Variants in CD63 observed in about 807,000 individuals in gnomAD.
The protein encoded by CD63 is CD63 antigen.
CD63 carries 16 observed loss-of-function variants against 29.2 expected under a neutral mutation model. That is an observed-to-expected ratio of 0.55 (90% CI 0.37 to 0.83). CD63 has a LOEUF of 0.83. Among genes scored for constraint, CD63 ranks in the 40% least tolerant of loss-of-function variants. CD63 has a pLI of 0.00. For synonymous variants in CD63, 118 were observed against 111.7 expected, an observed-to-expected ratio of 1.06 and a Z score of -0.36; for missense variants, 251 against 297.3, an observed-to-expected ratio of 0.84 and a Z score of 1.15.
At position 55,728,482 on chromosome 12, in the gene CD63, C is replaced by T. The variant is rs921194369; in HGVS notation, c.-11-130G>A. On this transcript the variant is annotated intron_variant, in intron 1 of 7. Coordinates refer to ENST00000257857, the MANE Select transcript of CD63 (RefSeq NM_001780.6). The surrounding 1 kb of genome is among the most constrained non-coding windows in gnomAD (Gnocchi z 4.8). Reference sequence around the variant, plus strand: ...CCGGCCCCTCCCACCCGGAAACCCGCGGTCGGATCCACGTCTCCCAGCCCC... The same window carrying T: ...CCGGCCCCTCCCACCCGGAAACCCGTGGTCGGATCCACGTCTCCCAGCCCC... The T allele has an allele frequency of 2.7e-6, 4 of 1,487,480 alleles. No individual in the cohort carries two copies. In the East Asian group the frequency reaches 9.9e-5, roughly 37 times the overall value. 92.1% of individuals were successfully genotyped at this position (1,487,480 alleles called of 1,614,324 possible).
chr12:55,725,452 A>T lies in CD63; in HGVS notation c.*109T>A. 1.1e-6 allele frequency: 1 copy of T among 916,834 alleles called. No homozygotes were observed. The highest frequency in any genetic ancestry group is 1.8e-6 in the Non-Finnish European group (1 of 555,200). 56.8% of individuals were successfully genotyped at this position (916,834 alleles called of 1,614,324 possible). A position where few individuals can be genotyped will look rare whatever the true frequency, so the allele number is the denominator to read the frequency against. On this transcript the variant is annotated 3_prime_UTR_variant, in exon 8 of 8. Transcript: ENST00000257857. ...GGAAGGAATCAAGCATCACTCTAAGACAAACTCAGACCATCTCTTTTCGGT... is the reference window on the plus strand; with the variant it reads ...GGAAGGAATCAAGCATCACTCTAAGTCAAACTCAGACCATCTCTTTTCGGT...
intron 6 of CD63, 42 bp downstream of exon 6, chr12:55,726,079 T>G: frequency 6.2e-7 from 1 of 1,607,706 alleles, no homozygotes; most frequent in Non-Finnish European, 8.5e-7. Context: ...TTCTAAAACA[T>G]TTCCCAGGTT....
Position 55,728,950 on chromosome 12 carries a change from C to T in CD63, c.-12+3G>A. On this transcript the variant is annotated splice_donor_region_variant and intron_variant, in intron 1 of 7. Transcript: ENST00000257857. The surrounding 1 kb of genome is among the most constrained non-coding windows in gnomAD (Gnocchi z 4.8). The stretch of plus-strand genomic sequence containing the variant: ...GAAGTCCGCCGGGTCCCCGCGGCCT[C>T]ACCTGGGCTTCCCAAGGCTGGCTGC... 1 of 985,582 alleles carries T rather than the reference C, an allele frequency of 1.0e-6. No individual in the cohort carries two copies. The allele number at this position is 985,582 out of a possible 1,614,324, so 61.1% of individuals were successfully genotyped here. A position where few individuals can be genotyped will look rare whatever the true frequency, so the allele number is the denominator to read the frequency against.
chr12:55,727,564 T>A, intron 2 of CD63: 1 of 1,302,590 alleles, frequency 7.7e-7, no homozygotes, highest in Non-Finnish European at 9.8e-7. Flanking sequence ...CATGACCAAA[T>A]TCAAAAACCT....
downstream of CD63, chr12:55,723,597 C>T (rs1795251802): frequency 4.8e-6 from 2 of 418,836 alleles, no homozygotes; most frequent in South Asian, 4.4e-5. Flanking sequence ...TATATAAGTA[C>T]CTGATAATAT....
At chr12:55,727,733 G>A in intron 2 of CD63, 2 of 1,035,678 alleles carry the variant, frequency 1.9e-6, no homozygotes, top group South Asian at 3.8e-5. Flanking sequence ...GGTTCCTCTG[G>A]CCAGTTAGGC....
intron 2 of CD63, 48 bp from the exon 3 acceptor site, chr12:55,727,387 C>T (rs1877525370): frequency 1.3e-6 from 2 of 1,544,916 alleles, no homozygotes; most frequent in African/African-American, 1.4e-5. Context: ...AACACAGTGG[C>T]CCTCCATGGT....
chr12:55,723,583 C>A, downstream of CD63: 1 of 373,142 alleles, frequency 2.7e-6, no homozygotes, highest in East Asian at 6.4e-5. Context: ...ACATTGTAAA[C>A]TGTTATATAA....
chr12:55,728,408 T>C lies in CD63; in HGVS notation c.-11-56A>G. On this transcript the variant is annotated intron_variant, in intron 1 of 7. Transcript: ENST00000257857. The surrounding 1 kb of genome is among the most constrained non-coding windows in gnomAD (Gnocchi z 4.8). ...AACTGGCCGAAGGGGGACCTCGGTT[T>C]CCGGGCTCCCGGCCGGCCCTCGAGG... 6.4e-7 allele frequency: 1 copy of C among 1,561,062 alleles called. No homozygotes were observed. The highest frequency in any genetic ancestry group is 8.7e-7 in the Non-Finnish European group (1 of 1,153,412).
chr12:55,724,506 C>T, downstream of CD63: 1 of 1,613,224 alleles, frequency 6.2e-7, no homozygotes, highest in Non-Finnish European at 8.5e-7. Flanking sequence ...ATGCTGTGCT[C>T]ACCTGGGTCC....
chr12:55,729,042 G>C (rs1342459307), upstream of CD63: 1 of 985,034 alleles, frequency 1.0e-6, no homozygotes, highest in Non-Finnish European at 1.2e-6. Flanking sequence ...CCCGCCTGCC[G>C]CGCGGCCCCG....
downstream of CD63, chr12:55,725,240 T>A (rs1877173234): frequency 2.5e-6 from 1 of 400,430 alleles, no homozygotes; most frequent in South Asian, 2.5e-5. Context: ...TTCATGAATG[T>A]TCATAGTGAG....
rs1877197889 is a variant in CD63 at position 55,725,480 on chromosome 12, G to GA, written c.*80dup. On this transcript the variant is annotated 3_prime_UTR_variant, in exon 8 of 8. Coordinates refer to ENST00000257857, the MANE Select transcript of CD63 (RefSeq NM_001780.6). ...AACTCAGACCATCTCTTTTCGGTCT[G>GA]AAAAAATAATCCGTTTAATTGAAAA... 8.6e-7 allele frequency: 1 copy of GA among 1,168,978 alleles called. No individual in the cohort carries two copies. Among genetic ancestry groups the GA allele is most frequent in the Non-Finnish European group, 1.3e-6 (1 of 777,402 alleles). 72.4% of individuals were successfully genotyped at this position (1,168,978 alleles called of 1,614,324 possible).
At chr12:55,723,743 C>A, downstream of CD63, 1 of 914,830 alleles carries the variant, frequency 1.1e-6, no homozygotes, top group Non-Finnish European at 1.7e-6. Context: ...CCCCACTTGA[C>A]CCTTGTCCCG....
rs756627592 is a variant in CD63, at chr12:55,726,813, C to T, written c.331-18G>A. ...GACATCACCTGAGAGTACGGAGGAG[C>T]ACTGTTGCAGTCAGAATTCAAGCAC... is the stretch of plus-strand genomic sequence containing the variant. On this transcript the variant is annotated intron_variant, in intron 4 of 7. Transcript: ENST00000257857. 6 of 1,608,982 alleles carry T rather than the reference C, an allele frequency of 3.7e-6. No individual in the cohort carries two copies. In the East Asian group the frequency reaches 1.1e-4, roughly 30 times the overall value.
rs1877401524 is a variant in CD63, at chr12:55,726,616, A to G, written c.426+84T>C. The G allele has an allele frequency of 4.5e-6, 5 of 1,110,346 alleles. No homozygotes were observed. The Admixed American group carries it at 6.9e-5, about 15-fold the overall frequency. 68.8% of individuals were successfully genotyped at this position (1,110,346 alleles called of 1,614,324 possible). A position where few individuals can be genotyped will look rare whatever the true frequency, so the allele number is the denominator to read the frequency against. Reference sequence around the variant, plus strand: ...CACCTCGGCCTTCAAAAGTGCTGAGATTACAGGCGTGAGTCACCACACCCA... The same window carrying G: ...CACCTCGGCCTTCAAAAGTGCTGAGGTTACAGGCGTGAGTCACCACACCCA... On this transcript the variant is annotated intron_variant, in intron 5 of 7. Coordinates refer to ENST00000257857, the MANE Select transcript of CD63 (RefSeq NM_001780.6).
chr12:55,728,564 C>T lies in CD63; in HGVS notation c.-11-212G>A. 7.0e-7 allele frequency: 1 copy of T among 1,422,284 alleles called. No individual in the cohort carries two copies. Among genetic ancestry groups the T allele is most frequent in the Non-Finnish European group, 9.2e-7 (1 of 1,092,536 alleles). The allele number at this position is 1,422,284 out of a possible 1,614,324, so 88.1% of individuals were successfully genotyped here. ...CGGCCGCGAAGCCCGGACCCCGCCCCGCCGCCTCTGGGGCCCAGGACAGAT... is the reference window on the plus strand; with the variant it reads ...CGGCCGCGAAGCCCGGACCCCGCCCTGCCGCCTCTGGGGCCCAGGACAGAT... On this transcript the variant is annotated intron_variant, in intron 1 of 7. Coordinates refer to ENST00000257857, the MANE Select transcript of CD63 (RefSeq NM_001780.6). The surrounding 1 kb of genome is among the most constrained non-coding windows in gnomAD (Gnocchi z 4.8).
Position 55,727,217 on chromosome 12 carries a change from G to A in CD63, c.189C>T (p.Phe63=). The change falls in exon 3 of 8, where the codon TTC becomes TTT. Residue 63 remains phenylalanine, a synonymous_variant. Coordinates refer to ENST00000257857, the MANE Select transcript of CD63 (RefSeq NM_001780.6). ...AGCCCACAAAAGCCACCAGGAAGAG[G>A]AAGACACCCACTGCGATGATGACCA... The part of the protein sequence containing the change: ...LPVVIIAVGV[F]LFLVAFVGCC... 6.2e-7 allele frequency: 1 copy of A among 1,613,866 alleles called. No individual in the cohort carries two copies. Among genetic ancestry groups the A allele is most frequent in the Non-Finnish European group, 8.5e-7 (1 of 1,180,018 alleles).
downstream of CD63, chr12:55,724,671 T>C: frequency 1.0e-6 from 1 of 967,988 alleles, no homozygotes; most frequent in South Asian, 1.4e-5. Context: ...GTTTAAAAAA[T>C]AAAAAGAAGG....
Sources: gnomAD v4.1 joint callset for allele counts on GRCh38, gnomAD v4.1.1 for gene constraint, Gnocchi (gnomAD v3.1) non-coding constraint, MANE v1.5 for transcripts, NCBI Gene and HGNC (gene_info 2026-07-23, HGNC 2026-07-21) for gene names.